The following NBPF12 variants were observed in gnomAD, a reference collection of about 807,000 sequenced individuals.
NBPF12 encodes NBPF member 12.
Under a neutral mutation model 146.4 loss-of-function variants are expected in NBPF12, and 115 were observed. That is an observed-to-expected ratio of 0.79 (90% CI 0.68 to 0.92). The LOEUF is 0.92. Among genes scored for constraint, NBPF12 ranks in the 40% least tolerant of loss-of-function variants. The pLI is 0.00. For missense variants in NBPF12, 1,205 were observed against 1,326.8 expected (o/e 0.91, Z 1.43); for synonymous variants, 385 against 508.9 (o/e 0.76, Z 3.28).
chr1:146,944,815 C>A (rs1361392793), upstream of NBPF12, among the ~76,000 whole-genome samples: 2 of 151,592 alleles, frequency 1.3e-5, no homozygotes, highest in Non-Finnish European at 2.9e-5. Flanking sequence ...CCCTACTTCT[C>A]TCCCTTCCCT....
At chr1:146,976,675 C>T (rs1657054684) in intron 16 of NBPF12, among the ~76,000 whole-genome samples, 1 of 151,724 alleles carries the variant, frequency 6.6e-6, no homozygotes, top group South Asian at 2.1e-4. Context: ...GCTGCACAAG[C>T]CTCCAGTGAT....
Sources: allele counts gnomAD v4.1 joint callset (sites outside exome capture counted in the v4.1 genomes callset), GRCh38; gene constraint gnomAD v4.1.1; transcripts MANE v1.5; gene names NCBI Gene and HGNC (gene_info 2026-07-23, HGNC 2026-07-21).